The following IQCJ variants were observed in gnomAD, a reference collection of about 807,000 sequenced individuals.
IQCJ encodes the protein IQ domain-containing protein J.
A neutral mutation model predicts 11.0 loss-of-function variants in IQCJ; 9 were observed. The observed-to-expected ratio is 0.82, with a 90% CI of 0.49 to 1.43. IQCJ has a LOEUF of 1.43. IQCJ is among the 40% of genes most tolerant of loss of function. The pLI, the probability that IQCJ is intolerant of heterozygous loss-of-function variation, is 0.00. For synonymous variants in IQCJ, 55 were observed against 51.3 expected (o/e 1.07, Z -0.31); for missense variants, 146 against 133.2 (o/e 1.10, Z -0.47).
intron 1 of IQCJ, among the ~76,000 whole-genome samples, chr3:159,101,160 A>T (rs554260515): frequency 6.9e-6 from 1 of 145,410 alleles, no homozygotes; most frequent in Non-Finnish European, 1.5e-5. Context: ...CCTTTCTTTG[A>T]CTCGGAAAGG....
chr3:159,126,680 G>C (rs1326929137), intron 1 of IQCJ, among the ~76,000 whole-genome samples: 1 of 152,246 alleles, frequency 6.6e-6, no homozygotes, highest in African/African-American at 2.4e-5. Flanking sequence ...GACAGAAGTG[G>C]ATGAGAGCAC....
intron 1 of IQCJ, among the ~76,000 whole-genome samples, chr3:159,168,060 TG>T (rs1373669113): frequency 6.6e-6 from 1 of 152,156 alleles, no homozygotes; most frequent in Non-Finnish European, 1.5e-5. Context: ...GGACCATCTG[TG>T]GCCTCAGAGA....
intron 1 of IQCJ, among the ~76,000 whole-genome samples, chr3:159,166,838 G>A (rs1279624454): frequency 1.3e-5 from 2 of 152,172 alleles, no homozygotes; most frequent in African/African-American, 2.4e-5. Context: ...AGTATTCGAG[G>A]TGTGCTCCCT....
chr3:159,112,929 C>A (rs1718729274), intron 1 of IQCJ, among the ~76,000 whole-genome samples: 1 of 152,144 alleles, frequency 6.6e-6, no homozygotes, highest in African/African-American at 2.4e-5. Flanking sequence ...CAACTAGCCC[C>A]AACTAGAGGC....
chr3:159,123,645 G>A (rs868068), intron 1 of IQCJ, among the ~76,000 whole-genome samples: 41,277 of 151,986 alleles, frequency 0.27, 7,020 homozygotes, highest in Non-Finnish European at 0.39. Context: ...ACTAAGGGCC[G>A]ATCACTCCAC....
intron 1 of IQCJ, among the ~76,000 whole-genome samples, chr3:159,122,363 C>T (rs1719426367): frequency 1.3e-5 from 2 of 152,160 alleles, no homozygotes; most frequent in Admixed American, 1.3e-4. Context: ...AACATTGCCA[C>T]TTGGAGGAAC....
chr3:159,102,086 A>G (rs897150166), intron 1 of IQCJ, among the ~76,000 whole-genome samples: 2 of 152,236 alleles, frequency 1.3e-5, no homozygotes, highest in African/African-American at 4.8e-5. Flanking sequence ...ACTAGTAGCC[A>G]GTCAAAAGCA....
chr3:159,214,539 A>G (rs368862009), intron 1 of IQCJ, among the ~76,000 whole-genome samples: 2 of 152,244 alleles, frequency 1.3e-5, no homozygotes, highest in East Asian at 1.9e-4. Context: ...CCTACATAGC[A>G]TAGGCTTTAG....
chr3:159,145,612 G>A (rs911014070), intron 1 of IQCJ, among the ~76,000 whole-genome samples: 1 of 150,996 alleles, frequency 6.6e-6, no homozygotes. Context: ...TGACATCATA[G>A]GAGAGACTTT....
intron 1 of IQCJ, among the ~76,000 whole-genome samples, chr3:159,108,022 A>G (rs897599309): frequency 6.6e-6 from 1 of 151,412 alleles, no homozygotes; most frequent in East Asian, 1.9e-4. Context: ...AAAAAAAAAA[A>G]AAAGAAAAAA....
rs953812510 is a variant in IQCJ at position 159,263,145 on chromosome 3, C to T, written c.*414C>T. 4.7e-6 allele frequency: 4 copies of T among 852,012 alleles called. No individual in the cohort carries two copies. The African/African-American group carries it at 5.5e-5, about 12-fold the overall frequency. The allele number at this position is 852,012 out of a possible 1,614,324, so 52.8% of individuals were successfully genotyped here. On this transcript the variant is annotated 3_prime_UTR_variant, in exon 4 of 4. Transcript: ENST00000397832. ...CTCCAGGGGCCAGGTAAGTCACCCT[C>T]ATGACTGAGGTGGCTGAGCTGTGCC...
At chr3:159,202,112 T>A (rs1175135838) in intron 1 of IQCJ, among the ~76,000 whole-genome samples, 1 of 152,166 alleles carries the variant, frequency 6.6e-6, no homozygotes, top group Non-Finnish European at 1.5e-5. Context: ...TGCAAACTCA[T>A]GTGTACATGT....
intron 1 of IQCJ, among the ~76,000 whole-genome samples, chr3:159,147,391 C>G (rs1328868407): frequency 2.0e-5 from 3 of 152,238 alleles, no homozygotes; most frequent in Non-Finnish European, 2.9e-5. Context: ...TTCCTCATAA[C>G]TTCTATCATG....
intron 3 of IQCJ, among the ~76,000 whole-genome samples, chr3:159,254,369 C>T (rs1008917907): frequency 6.6e-6 from 1 of 152,146 alleles, no homozygotes; most frequent in Non-Finnish European, 1.5e-5. Context: ...CCAGCCAGCT[C>T]AGAGAGCCTG....
At chr3:159,159,362 T>C (rs1239426769) in intron 1 of IQCJ, among the ~76,000 whole-genome samples, 1 of 152,072 alleles carries the variant, frequency 6.6e-6, no homozygotes, top group Non-Finnish European at 1.5e-5. Flanking sequence ...GGTGTGTTTG[T>C]AGGAGGGTAA....
At chr3:159,148,732 A>G (rs547401534) in intron 1 of IQCJ, among the ~76,000 whole-genome samples, 47 of 152,320 alleles carry the variant, frequency 3.1e-4, no homozygotes, top group African/African-American at 1.0e-3. Flanking sequence ...ACCTCTGCCT[A>G]ATGGTTTTAT....
In IQCJ at chr3:159,069,886, TGC is replaced by T. The variant is rs1193817965; in HGVS notation, c.9+447_9+448del. On this transcript the variant is annotated intron_variant, in intron 1 of 3. Coordinates refer to ENST00000397832, the MANE Select transcript of IQCJ (RefSeq NM_001042706.3). The stretch of plus-strand genomic sequence containing the variant: ...GTGTGTGTGTGTGTGTGTGTGTGTG[TGC>T]GTGTGTATGGGGAGGAGGTGTTGAT... 3.9e-3 allele frequency: 1,080 copies of T among 279,070 alleles called. 18 individuals carry two copies. Among genetic ancestry groups the T allele is most frequent in the African/African-American group, 0.025 (932 of 37,590 alleles). The allele number at this position is 279,070 out of a possible 1,614,324, so 17.3% of individuals were successfully genotyped here.
Position 159,069,385 on chromosome 3 carries a change from C to A in IQCJ, c.-48C>A. The A allele has an allele frequency of 6.3e-7, 1 of 1,592,740 alleles. No homozygotes were observed. Among genetic ancestry groups the A allele is most frequent in the Admixed American group, 1.8e-5 (1 of 54,678 alleles). ...GATTCTGAGGAATACAGTGTGCCAG[C>A]ATCCGATCCAGTCTCCTTTCACCTG... On this transcript the variant is annotated 5_prime_UTR_variant, in exon 1 of 4. Coordinates refer to ENST00000397832, the MANE Select transcript of IQCJ (RefSeq NM_001042706.3).
Position 159,116,949 on chromosome 3 carries a change from G to A in IQCJ, c.9+47508G>A, listed in dbSNP as rs150687103. On this transcript the variant is annotated intron_variant, in intron 1 of 3. Transcript: ENST00000397832. ...AATGAGCAGAAGTAGGAGACCTGGG[G>A]TGAATGGAGGTAGGGAGGAAAGGAA... Among the ~76,000 whole-genome samples the A allele has an allele frequency of 1.2e-3, 181 of 152,104 alleles. 2 individuals carry two copies. The highest frequency in any genetic ancestry group is 3.4e-3 in the Middle Eastern group (1 of 294).
Sources: allele counts gnomAD v4.1 joint callset (sites outside exome capture counted in the v4.1 genomes callset), GRCh38; gene constraint gnomAD v4.1.1; transcripts MANE v1.5; gene names NCBI Gene and HGNC (gene_info 2026-07-23, HGNC 2026-07-21).